The following RASGEF1A variants were observed in gnomAD, a reference collection of about 807,000 sequenced individuals.
RASGEF1A encodes the protein ras-GEF domain-containing family member 1A.
RASGEF1A carries 18 observed loss-of-function variants against 56.4 expected under a neutral mutation model. That is an observed-to-expected ratio of 0.32 (90% CI 0.22 to 0.47). The LOEUF is 0.47. Ranked by LOEUF, RASGEF1A falls within the 20% of genes least tolerant of loss-of-function variation. RASGEF1A has a pLI of 1.00. For missense variants in RASGEF1A, 422 were observed against 627.1 expected, an observed-to-expected ratio of 0.67 and a Z score of 3.49; for synonymous variants, 245 against 242.6, an observed-to-expected ratio of 1.01 and a Z score of -0.09.
chr10:43,261,876 C>T (rs150174443), intron 1 of RASGEF1A, among the ~76,000 whole-genome samples: 6 of 152,362 alleles, frequency 3.9e-5, no homozygotes, highest in Non-Finnish European at 8.8e-5. Context: ...CAGAACTAGC[C>T]TACAGAGAAG....
intron 1 of RASGEF1A, among the ~76,000 whole-genome samples, chr10:43,245,609 T>A (rs1051416498): frequency 2.6e-5 from 4 of 152,182 alleles, no homozygotes; most frequent in African/African-American, 9.7e-5. Flanking sequence ...TCAAGGAATG[T>A]AAGGTTAGAT....
chr10:43,256,334 G>A (rs1046403413), intron 1 of RASGEF1A, among the ~76,000 whole-genome samples: 6 of 152,308 alleles, frequency 3.9e-5, no homozygotes, highest in South Asian at 4.1e-4. Flanking sequence ...TTCTTGATCC[G>A]GCTGTGACTG....
In RASGEF1A at chr10:43,222,043, C is replaced by T. The variant is rs146200265; in HGVS notation, c.-6-15921G>A. On this transcript the variant is annotated intron_variant, in intron 1 of 12. Coordinates refer to ENST00000395810, the MANE Select transcript of RASGEF1A (RefSeq NM_145313.4). ...TGTGCAAACCCCAGAGTGACTTACA[C>T]AGACCAGGATGGCACAGCCCACTAC... is the stretch of plus-strand genomic sequence containing the variant. Among the ~76,000 whole-genome samples, 12 of 152,328 alleles carry T rather than the reference C, an allele frequency of 7.9e-5. No homozygotes were observed. In the East Asian group the frequency reaches 2.3e-3, roughly 29 times the overall value.
chr10:43,197,191 C>T, intron 10 of RASGEF1A, 92 bp from the exon 11 acceptor site: 1 of 1,441,504 alleles, frequency 6.9e-7, no homozygotes, highest in Non-Finnish European at 9.5e-7. Context: ...GCCTCAGCCT[C>T]CTGCTCACTT....
At chr10:43,233,695 C>T (rs374204913) in intron 1 of RASGEF1A, among the ~76,000 whole-genome samples, 9 of 152,256 alleles carry the variant, frequency 5.9e-5, no homozygotes, top group East Asian at 3.9e-4. Context: ...TGCAGCCAGG[C>T]GGGAAAACAG....
chr10:43,256,073 T>C (rs1214841474), intron 1 of RASGEF1A, among the ~76,000 whole-genome samples: 1 of 152,144 alleles, frequency 6.6e-6, no homozygotes, highest in East Asian at 1.9e-4. Context: ...ATCCCCAGCC[T>C]AGGGGGAGCA....
intron 1 of RASGEF1A, among the ~76,000 whole-genome samples, chr10:43,250,212 C>T (rs1220167548): frequency 2.6e-5 from 4 of 152,216 alleles, no homozygotes; most frequent in African/African-American, 4.8e-5. Context: ...TATGGAGGAG[C>T]GCTGCCTGGG....
At chr10:43,226,301 C>A (rs1019559506) in intron 1 of RASGEF1A, among the ~76,000 whole-genome samples, 12 of 152,130 alleles carry the variant, frequency 7.9e-5, no homozygotes, top group Non-Finnish European at 1.5e-4. Context: ...ATTAGCCAGG[C>A]ATGGTGGCAC....
At chr10:43,216,397 G>A (rs113439514) in intron 1 of RASGEF1A, among the ~76,000 whole-genome samples, 8,520 of 152,294 alleles carry the variant, frequency 0.056, 616 homozygotes, top group African/African-American at 0.17. Context: ...TTCCTTGGGG[G>A]ACCATCTTGT....
chr10:43,241,688 G>A (rs1662515668), intron 1 of RASGEF1A, among the ~76,000 whole-genome samples: 2 of 151,504 alleles, frequency 1.3e-5, no homozygotes, highest in Non-Finnish European at 2.9e-5. Flanking sequence ...AAAACAAATA[G>A]CAAATCCTAC....
intron 1 of RASGEF1A, chr10:43,206,603 C>G: frequency 3.0e-6 from 3 of 994,020 alleles, no homozygotes; most frequent in Non-Finnish European, 3.6e-6. Flanking sequence ...AGTCTGAGGA[C>G]TCAGGGCCGG....
rs116895303 is a variant in RASGEF1A, at chr10:43,203,472, G to C, written c.199-52C>G. On this transcript the variant is annotated intron_variant, in intron 2 of 12. Transcript: ENST00000395810. ...GGAGGGAGGGTGAGGCAGGCCCCCGGGGGCTCACCGCGCTGCTTCACCTGG... is the reference window on the plus strand; with the variant it reads ...GGAGGGAGGGTGAGGCAGGCCCCCGCGGGCTCACCGCGCTGCTTCACCTGG... 11,219 of 1,470,060 alleles carry C rather than the reference G, an allele frequency of 7.6e-3. 454 individuals carry two copies. The East Asian group carries it at 0.11, about 14-fold the overall frequency. The allele number at this position is 1,470,060 out of a possible 1,614,324, so 91.1% of individuals were successfully genotyped here.
Position 43,198,097 on chromosome 10 carries a change from G to A in RASGEF1A, c.1131C>T (p.Ile377=), listed in dbSNP as rs774977336. 83 of 1,614,118 alleles carry A rather than the reference G, an allele frequency of 5.1e-5. No homozygotes were observed. The highest frequency in any genetic ancestry group is 8.8e-5 in the South Asian group (8 of 91,078). Residue 377 remains isoleucine (I), a synonymous_variant, in exon 10 of 13, where the codon ATC becomes ATT. Coordinates refer to ENST00000395810, the MANE Select transcript of RASGEF1A (RefSeq NM_145313.4). ...CGAAGAGGTTGAACACAGGGATGACGATCTTTTCACGGCTGCTGTTGGCCA... is the reference window on the plus strand; with the variant it reads ...CGAAGAGGTTGAACACAGGGATGACAATCTTTTCACGGCTGCTGTTGGCCA... ...SQMANSSREK[I]VIPVFNLFVK...
chr10:43,266,692 G>T (rs1836631198), intron 1 of RASGEF1A, among the ~76,000 whole-genome samples, 153 bp downstream of exon 1: 3 of 145,922 alleles, frequency 2.1e-5, no homozygotes, highest in Admixed American at 2.0e-4. Flanking sequence ...CCCGCCCCGC[G>T]CCCGGAGCCC....
intron 1 of RASGEF1A, among the ~76,000 whole-genome samples, chr10:43,260,200 G>C (rs924701131): frequency 1.3e-5 from 2 of 152,198 alleles, no homozygotes; most frequent in Non-Finnish European, 2.9e-5. Flanking sequence ...CACCCAGAAT[G>C]AATGTGTACA....
intron 1 of RASGEF1A, among the ~76,000 whole-genome samples, chr10:43,234,715 G>A (rs1235866498): frequency 6.6e-6 from 1 of 152,224 alleles, no homozygotes; most frequent in African/African-American, 2.4e-5. Flanking sequence ...TGAAGGTGAT[G>A]GCGCATACCT....
At chr10:43,225,876 G>T (rs540627731) in intron 1 of RASGEF1A, among the ~76,000 whole-genome samples, 2 of 152,182 alleles carry the variant, frequency 1.3e-5, no homozygotes, top group Non-Finnish European at 2.9e-5. Context: ...CCTCACCCAC[G>T]GGGAGGGGGA....
intron 1 of RASGEF1A, among the ~76,000 whole-genome samples, chr10:43,257,277 T>A (rs1375523017): frequency 6.6e-6 from 1 of 152,162 alleles, no homozygotes; most frequent in Non-Finnish European, 1.5e-5. Flanking sequence ...TCTTGACCCC[T>A]CCAAGCCTCG....
In RASGEF1A at chr10:43,265,779, C is replaced by A. The variant is rs144945440; in HGVS notation, c.-7+1066G>T. 4.9e-3 allele frequency among the ~76,000 whole-genome samples: 739 copies of A among 152,346 alleles called. 9 individuals are homozygous for A. The highest frequency in any genetic ancestry group is 0.017 in the African/African-American group (697 of 41,564). ...TAGAGCCGCTTAGAGTCCAGGGCAC[C>A]GAGGTGGACAGGCTGGGCTGGCAAG... On this transcript the variant is annotated intron_variant, in intron 1 of 12. Coordinates refer to ENST00000395810, the MANE Select transcript of RASGEF1A (RefSeq NM_145313.4).
Sources: gnomAD v4.1 joint callset for allele counts (sites outside exome capture counted in the v4.1 genomes callset) on GRCh38, gnomAD v4.1.1 for gene constraint, MANE v1.5 for transcripts, NCBI Gene and HGNC (gene_info 2026-07-23, HGNC 2026-07-21) for gene names.